The following CTNNA2 variants were observed in gnomAD, a reference collection of about 807,000 sequenced individuals.
CTNNA2 encodes catenin alpha-2.
In CTNNA2, 42 loss-of-function variants were observed where a neutral mutation model predicts 101.0. The ratio of observed to expected loss-of-function variants is 0.42; its 90% confidence interval spans 0.32 to 0.54. CTNNA2 has a LOEUF of 0.54. CTNNA2 is among the 20% of genes least tolerant of loss of function. The pLI is 0.14. For synonymous variants in CTNNA2, 450 were observed against 456.4 expected, an observed-to-expected ratio of 0.99 and a Z score of 0.18; for missense variants, 871 against 1,223.1, an observed-to-expected ratio of 0.71 and a Z score of 4.29.
chr2:79,774,873 C>T (rs1057489399), intron 3 of CTNNA2, among the ~76,000 whole-genome samples: 2 of 152,200 alleles, frequency 1.3e-5, no homozygotes, highest in Non-Finnish European at 2.9e-5. Flanking sequence ...CATAGAGAAA[C>T]CTTTCTTCTG....
At chr2:79,748,265 G>A (rs1466449378) in intron 3 of CTNNA2, among the ~76,000 whole-genome samples, 4 of 152,108 alleles carry the variant, frequency 2.6e-5, no homozygotes, top group African/African-American at 9.7e-5. Context: ...GAGCTTGTGG[G>A]GAAGGAATAT....
chr2:80,381,515 A>G (rs1676514804), intron 7 of CTNNA2, among the ~76,000 whole-genome samples: 1 of 152,130 alleles, frequency 6.6e-6, no homozygotes. Flanking sequence ...CGAGATAGAG[A>G]TTGAAAGATG....
intron 7 of CTNNA2, among the ~76,000 whole-genome samples, chr2:80,291,608 T>A (rs1275095937): frequency 6.6e-6 from 1 of 152,228 alleles, no homozygotes; most frequent in Non-Finnish European, 1.5e-5. Context: ...GTATGCTTAG[T>A]GTCCCAGGGG....
chr2:80,162,455 C>T (rs1045391029), intron 7 of CTNNA2: 9 of 1,591,708 alleles, frequency 5.7e-6, no homozygotes, highest in Admixed American at 1.7e-5. Flanking sequence ...GTGTTAGTGT[C>T]GAGATGAGCG....
At chr2:80,095,173 G>A (rs543395133) in intron 7 of CTNNA2, among the ~76,000 whole-genome samples, 7 of 152,166 alleles carry the variant, frequency 4.6e-5, no homozygotes, top group Admixed American at 2.0e-4. Context: ...TTTGAGATAT[G>A]TCCCATCAAT....
chr2:80,537,523 T>A (rs1691144543), intron 9 of CTNNA2, among the ~76,000 whole-genome samples: 1 of 152,106 alleles, frequency 6.6e-6, no homozygotes, highest in Non-Finnish European at 1.5e-5. Context: ...ATGGTTGAAC[T>A]AATTACACTC....
chr2:80,059,477 C>G (rs553048440), intron 7 of CTNNA2, among the ~76,000 whole-genome samples: 1 of 152,342 alleles, frequency 6.6e-6, no homozygotes, highest in Non-Finnish European at 1.5e-5. Context: ...TATTTTGCTT[C>G]CTTCACAACT....
chr2:80,199,182 G>GAA (rs70940076), intron 7 of CTNNA2, among the ~76,000 whole-genome samples: 724 of 40,068 alleles, frequency 0.018, 151 homozygotes, highest in African/African-American at 0.031. Flanking sequence ...CTCCATCTCA[G>GAA]AAAAAAAAAA....
rs565775429 is a variant in CTNNA2 at position 79,916,343 on chromosome 2, G to A, written c.1056+6546G>A. 2.6e-5 allele frequency among the ~76,000 whole-genome samples: 4 copies of A among 151,958 alleles called. No individual in the cohort carries two copies. The South Asian group carries it at 8.3e-4, about 32-fold the overall frequency. ...CCTAATATTCTACATTGGTGCCTGTGGTGAGGTTTTCCTTGCGTTTTTCTT... is the reference window on the plus strand; with the variant it reads ...CCTAATATTCTACATTGGTGCCTGTAGTGAGGTTTTCCTTGCGTTTTTCTT... On this transcript the variant is annotated intron_variant, in intron 7 of 18. Coordinates refer to ENST00000402739, the MANE Select transcript of CTNNA2 (RefSeq NM_001282597.3).
At chr2:80,596,291 T>TG (rs1696961343) in intron 15 of CTNNA2, among the ~76,000 whole-genome samples, 1 of 39,830 alleles carries the variant, frequency 2.5e-5, no homozygotes, top group South Asian at 1.2e-3. Context: ...TTTTTTTTTT[T>TG]TTTTTTTTTT....
At chr2:79,736,181 C>T (rs1161005579) in intron 2 of CTNNA2, among the ~76,000 whole-genome samples, 1 of 152,156 alleles carries the variant, frequency 6.6e-6, no homozygotes, top group Non-Finnish European at 1.5e-5. Context: ...CTGCCTTTCT[C>T]TCTGATGTGT....
chr2:79,854,774 T>C (rs1481161246), intron 3 of CTNNA2, among the ~76,000 whole-genome samples: 2 of 152,198 alleles, frequency 1.3e-5, no homozygotes, highest in African/African-American at 4.8e-5. Context: ...TACATGAGAT[T>C]GAACAAGAAT....
chr2:80,180,340 G>C (rs938817368), intron 7 of CTNNA2, among the ~76,000 whole-genome samples: 1 of 152,164 alleles, frequency 6.6e-6, no homozygotes, highest in Non-Finnish European at 1.5e-5. Context: ...ACTCGACCTG[G>C]CAGTTTTCTG....
At chr2:79,336,765 C>T (rs1248006194) in intron 3 of CTNNA2, among the ~76,000 whole-genome samples, 1 of 152,134 alleles carries the variant, frequency 6.6e-6, no homozygotes, top group East Asian at 1.9e-4. Flanking sequence ...CTGGAGGGCC[C>T]TATCTGTGTC....
intron 7 of CTNNA2, among the ~76,000 whole-genome samples, chr2:80,346,402 C>T (rs1672738780): frequency 6.6e-6 from 1 of 152,074 alleles, no homozygotes; most frequent in Non-Finnish European, 1.5e-5. Context: ...TTTTAAATGA[C>T]CAGATCTTGT....
chr2:80,387,872 A>G (rs1381177431), intron 7 of CTNNA2, among the ~76,000 whole-genome samples: 1 of 152,188 alleles, frequency 6.6e-6, no homozygotes, highest in Admixed American at 6.5e-5. Context: ...CCCTAGCACA[A>G]CAGATGGCAA....
intron 9 of CTNNA2, among the ~76,000 whole-genome samples, chr2:80,514,031 T>C (rs2149558065): frequency 6.6e-6 from 1 of 152,334 alleles, no homozygotes; most frequent in Non-Finnish European, 1.5e-5. Context: ...TAATCTTTAT[T>C]TTTATTTATT....
At chr2:80,132,448 T>C (rs1262920001) in intron 7 of CTNNA2, among the ~76,000 whole-genome samples, 1 of 152,212 alleles carries the variant, frequency 6.6e-6, no homozygotes, top group Non-Finnish European at 1.5e-5. Flanking sequence ...TTTCTCTCCA[T>C]AAAATCCGAG....
intron 7 of CTNNA2, among the ~76,000 whole-genome samples, chr2:80,082,501 G>A (rs866803957): frequency 6.6e-6 from 1 of 152,274 alleles, no homozygotes; most frequent in African/African-American, 2.4e-5. Flanking sequence ...TTTGCCTGAA[G>A]TCCAGTGCTT....
Sources: allele counts gnomAD v4.1 joint callset (sites outside exome capture counted in the v4.1 genomes callset), GRCh38; gene constraint gnomAD v4.1.1; transcripts MANE v1.5; gene names NCBI Gene and HGNC (gene_info 2026-07-23, HGNC 2026-07-21).